Variants in ARHGAP15 observed in about 807,000 individuals in gnomAD.
ARHGAP15 encodes the protein Rho GTPase activating protein 15.
A neutral mutation model predicts 63.7 loss-of-function variants in ARHGAP15; 51 were observed. The observed-to-expected ratio is 0.80, with a 90% CI of 0.64 to 1.01. ARHGAP15 has a LOEUF of 1.01. Among genes scored for constraint, ARHGAP15 ranks in the 50% least tolerant of loss-of-function variants. ARHGAP15 has a pLI of 0.00. For missense variants in ARHGAP15, 560 were observed against 564.6 expected, an observed-to-expected ratio of 0.99 and a Z score of 0.08; for synonymous variants, 191 against 193.8, an observed-to-expected ratio of 0.99 and a Z score of 0.12.
At chr2:143,458,187 T>C (rs1690752095) in intron 8 of ARHGAP15, among the ~76,000 whole-genome samples, 1 of 152,186 alleles carries the variant, frequency 6.6e-6, no homozygotes, top group Non-Finnish European at 1.5e-5. Flanking sequence ...TCTAAAGATT[T>C]ACTAGTGAAT....
At chr2:143,735,803 T>G (rs1199315589) in intron 13 of ARHGAP15, among the ~76,000 whole-genome samples, 1 of 152,148 alleles carries the variant, frequency 6.6e-6, no homozygotes, top group Non-Finnish European at 1.5e-5. Context: ...AACTACAATA[T>G]TTTTTGTCCA....
intron 12 of ARHGAP15, among the ~76,000 whole-genome samples, chr2:143,647,372 AAAAAG>A (rs1221628159): frequency 2.0e-5 from 3 of 151,676 alleles, no homozygotes; most frequent in Non-Finnish European, 2.9e-5. Context: ...AAAAAAAAAA[AAAAAG>A]AACATAAAAA....
In ARHGAP15 at chr2:143,520,921, A is replaced by C. The variant is rs539043221; in HGVS notation, c.925+1557A>C. Among the ~76,000 whole-genome samples the C allele has an allele frequency of 2.6e-5, 4 of 152,296 alleles. No individual in the cohort carries two copies. The South Asian group carries it at 8.3e-4, about 32-fold the overall frequency. On this transcript the variant is annotated intron_variant, in intron 10 of 13. Coordinates refer to ENST00000295095, the MANE Select transcript of ARHGAP15 (RefSeq NM_018460.4). ...TGTCTCCACCCTAGGCAAAACGAAA[A>C]ACTGCTAGATGCAGCTTTGCGGTGT... is the stretch of plus-strand genomic sequence containing the variant.
At chr2:143,575,242 C>A (rs1470576620) in intron 11 of ARHGAP15, among the ~76,000 whole-genome samples, 2 of 152,138 alleles carry the variant, frequency 1.3e-5, no homozygotes, top group African/African-American at 4.8e-5. Flanking sequence ...ACTTTTACTA[C>A]TTTTTCAAAT....
chr2:143,370,150 C>T (rs1211787508), intron 6 of ARHGAP15, among the ~76,000 whole-genome samples: 3 of 152,038 alleles, frequency 2.0e-5, no homozygotes, highest in African/African-American at 7.2e-5. Context: ...TAACACAAAC[C>T]TTAACAAACA....
rs1303438123 is a variant in ARHGAP15 at position 143,330,094 on chromosome 2, C to CA, written c.474+79531dup. On this transcript the variant is annotated intron_variant, in intron 6 of 13. Transcript: ENST00000295095. ...TGGGTGACAGAGCAAGGCTCTGTCTCAAAAAAAAAAAAAAAAAAAAAAAAA... is the reference window on the plus strand; with the variant it reads ...TGGGTGACAGAGCAAGGCTCTGTCTCAAAAAAAAAAAAAAAAAAAAAAAAAA... Among the ~76,000 whole-genome samples, 9 of 1,686 alleles carry CA rather than the reference C, an allele frequency of 5.3e-3. 1 individual carries two copies. Among genetic ancestry groups the CA allele is most frequent in the Non-Finnish European group, 6.8e-3 (5 of 730 alleles). The allele number at this position is 1,686 out of a possible 152,430, so 1.1% of individuals were successfully genotyped here. A position where few individuals can be genotyped will look rare whatever the true frequency, so the allele number is the denominator to read the frequency against.
intron 10 of ARHGAP15, among the ~76,000 whole-genome samples, chr2:143,553,371 A>G (rs1695657430): frequency 6.6e-6 from 1 of 152,186 alleles, no homozygotes; most frequent in Non-Finnish European, 1.5e-5. Flanking sequence ...CTCACAAGAT[A>G]TATAGTGTTG....
At chr2:143,172,514 G>T (rs748097691) in intron 2 of ARHGAP15, among the ~76,000 whole-genome samples, 3 of 152,098 alleles carry the variant, frequency 2.0e-5, no homozygotes, top group Non-Finnish European at 4.4e-5. Flanking sequence ...TCAATAAATC[G>T]TGGTGGCTTG....
At chr2:143,395,169 G>C (rs1304917282) in intron 6 of ARHGAP15, among the ~76,000 whole-genome samples, 1 of 152,050 alleles carries the variant, frequency 6.6e-6, no homozygotes, top group Non-Finnish European at 1.5e-5. Flanking sequence ...ATTTATTGAG[G>C]AACAGTCATT....
At chr2:143,134,869 C>T (rs1049411742) in intron 1 of ARHGAP15, among the ~76,000 whole-genome samples, 4 of 151,916 alleles carry the variant, frequency 2.6e-5, no homozygotes, top group Non-Finnish European at 4.4e-5. Flanking sequence ...GATCTCCTGA[C>T]CTCGTGATCT....
At chr2:143,436,780 G>A in intron 7 of ARHGAP15, 133 bp from the exon 8 acceptor site, 1 of 798,702 alleles carries the variant, frequency 1.3e-6, no homozygotes, top group South Asian at 1.7e-5. Context: ...ATTGAGCTTA[G>A]CATAGAGGAC....
At chr2:143,330,194 A>G (rs950439089) in intron 6 of ARHGAP15, among the ~76,000 whole-genome samples, 2 of 149,494 alleles carry the variant, frequency 1.3e-5, no homozygotes, top group Admixed American at 6.7e-5. Flanking sequence ...ATTAACTTCA[A>G]TGTTTAGTGT....
intron 10 of ARHGAP15, among the ~76,000 whole-genome samples, chr2:143,519,710 T>A (rs747291718): frequency 2.0e-5 from 3 of 152,164 alleles, no homozygotes; most frequent in Non-Finnish European, 4.4e-5. Flanking sequence ...GTAGACGTTG[T>A]GCCAGAACAA....
At chr2:143,536,270 T>C (rs1348101707) in intron 10 of ARHGAP15, among the ~76,000 whole-genome samples, 1 of 152,258 alleles carries the variant, frequency 6.6e-6, no homozygotes, top group South Asian at 2.1e-4. Flanking sequence ...TCAACCTTTT[T>C]GAATTCCACA....
intron 6 of ARHGAP15, among the ~76,000 whole-genome samples, chr2:143,259,781 T>C (rs1304365342): frequency 2.0e-5 from 3 of 152,196 alleles, no homozygotes; most frequent in Non-Finnish European, 4.4e-5. Context: ...ATATCTTTTG[T>C]CCTGAATGTG....
intron 5 of ARHGAP15, among the ~76,000 whole-genome samples, chr2:143,230,256 A>G (rs1267079736): frequency 6.6e-6 from 1 of 152,200 alleles, no homozygotes; most frequent in Non-Finnish European, 1.5e-5. Flanking sequence ...TGTGTGGGAT[A>G]ATGGGAGAGA....
intron 7 of ARHGAP15, 56 bp from the exon 8 acceptor site, chr2:143,436,856 AT>A: frequency 1.9e-6 from 3 of 1,568,298 alleles, no homozygotes; most frequent in Non-Finnish European, 2.6e-6. Flanking sequence ...ACAAAATTCT[AT>A]GGTGAATCCT....
chr2:143,691,061 TCA>T (rs1683577535), intron 12 of ARHGAP15, among the ~76,000 whole-genome samples: 1 of 152,134 alleles, frequency 6.6e-6, no homozygotes, highest in Admixed American at 6.6e-5. Flanking sequence ...CTTGCCCAAC[TCA>T]CAGTCCCTCA....
intron 8 of ARHGAP15, among the ~76,000 whole-genome samples, chr2:143,445,870 T>C (rs772204383): frequency 6.6e-6 from 1 of 152,138 alleles, no homozygotes; most frequent in African/African-American, 2.4e-5. Context: ...CTCTGTAATA[T>C]ATAACAAATA....
Sources: allele counts gnomAD v4.1 joint callset (sites outside exome capture counted in the v4.1 genomes callset), GRCh38; gene constraint gnomAD v4.1.1; transcripts MANE v1.5; gene names NCBI Gene and HGNC (gene_info 2026-07-23, HGNC 2026-07-21).